Variants in PKIB observed in about 807,000 individuals in gnomAD.
PKIB encodes PKI-beta.
A neutral mutation model predicts 4.5 loss-of-function variants in PKIB; 2 were observed. The ratio of observed to expected loss-of-function variants is 0.44; its 90% confidence interval spans 0.18 to 1.39. The LOEUF is 1.39. PKIB is among the 40% of genes most tolerant of loss of function. The probability of loss-of-function intolerance (pLI) is 0.27; values close to 1 mark genes in which losing one functional copy is unlikely to be tolerated. For synonymous variants in PKIB, 38 were observed against 36.0 expected (o/e 1.06, Z -0.20); for missense variants, 94 against 92.6 (o/e 1.02, Z -0.06).
chr6:122,580,741 A>C (rs912135463), intron 2 of PKIB, among the ~76,000 whole-genome samples: 1 of 152,052 alleles, frequency 6.6e-6, no homozygotes, highest in African/African-American at 2.4e-5. Context: ...CCTTCCCCCC[A>C]CCAACTTTTA....
intron 2 of PKIB, among the ~76,000 whole-genome samples, chr6:122,503,778 C>A (rs1384544513): frequency 6.6e-6 from 1 of 152,104 alleles, no homozygotes; most frequent in Admixed American, 6.5e-5. Flanking sequence ...TTTTTAACAC[C>A]TCACCCCCCA....
intron 2 of PKIB, chr6:122,493,609 A>G (rs1775996773): frequency 6.6e-6 from 1 of 152,212 alleles, no homozygotes; most frequent in South Asian, 2.1e-4. Flanking sequence ...TAACTTTGAT[A>G]TAGGTAGTGC....
intron 2 of PKIB, among the ~76,000 whole-genome samples, chr6:122,560,855 A>T (rs1772990976): frequency 6.6e-6 from 1 of 151,864 alleles, no homozygotes; most frequent in South Asian, 2.1e-4. Flanking sequence ...GCCTTCAATA[A>T]TCTTTTGTAT....
intron 2 of PKIB, chr6:122,479,427 A>G (rs1775541440): frequency 1.3e-5 from 2 of 152,228 alleles, no homozygotes; most frequent in Admixed American, 1.3e-4. Context: ...AACAACATGT[A>G]GTATTATGAC....
chr6:122,665,965 G>A (rs1176064142), intron 2 of PKIB, among the ~76,000 whole-genome samples: 3 of 152,162 alleles, frequency 2.0e-5, no homozygotes, highest in Non-Finnish European at 4.4e-5. Context: ...ATTACACTAA[G>A]TACTTTTCGG....
At chr6:122,722,464 A>T (rs1309166590) in intron 4 of PKIB, among the ~76,000 whole-genome samples, 1 of 152,198 alleles carries the variant, frequency 6.6e-6, no homozygotes, top group Non-Finnish European at 1.5e-5. Flanking sequence ...AGGGGACTTC[A>T]TATCATCTTC....
At chr6:122,611,356 G>A (rs1774748056) in intron 1 of PKIB, among the ~76,000 whole-genome samples, 1 of 152,274 alleles carries the variant, frequency 6.6e-6, no homozygotes, top group African/African-American at 2.4e-5. Flanking sequence ...CGGAACTCGG[G>A]TCCTTTAGAA....
chr6:122,550,679 G>T (rs989394807), intron 2 of PKIB, among the ~76,000 whole-genome samples: 6 of 152,078 alleles, frequency 3.9e-5, no homozygotes, highest in African/African-American at 1.2e-4. Context: ...CTTTAGAAAT[G>T]CTTCAAAGCA....
chr6:122,537,660 G>A (rs1777448747), intron 2 of PKIB, among the ~76,000 whole-genome samples: 1 of 152,144 alleles, frequency 6.6e-6, no homozygotes, highest in Non-Finnish European at 1.5e-5. Context: ...TGTCTTTATA[G>A]CAGCATGATT....
chr6:122,600,356 C>T (rs762826664), intron 3 of PKIB, among the ~76,000 whole-genome samples: 1 of 152,158 alleles, frequency 6.6e-6, no homozygotes, highest in Non-Finnish European at 1.5e-5. Context: ...TTTGGCAACA[C>T]CCTCACAGAC....
At chr6:122,606,579 A>AAAAAAAAAG (rs1226070273), upstream of PKIB, among the ~76,000 whole-genome samples, 72 of 151,548 alleles carry the variant, frequency 4.8e-4, no homozygotes, top group African/African-American at 1.6e-3. Flanking sequence ...CTCAAAAAAG[A>AAAAAAAAAG]AAAAAAAAGC....
intron 2 of PKIB, among the ~76,000 whole-genome samples, chr6:122,642,125 CT>C (rs1331349923): frequency 6.6e-6 from 1 of 152,164 alleles, no homozygotes; most frequent in East Asian, 1.9e-4. Context: ...ATTTTTTTTA[CT>C]TTGTTTCCAT....
chr6:122,702,310 T>C (rs1229509573), intron 3 of PKIB, among the ~76,000 whole-genome samples: 1 of 145,762 alleles, frequency 6.9e-6, no homozygotes, highest in Non-Finnish European at 1.5e-5. Context: ...AGGTCTCAGG[T>C]AATTTTTTAA....
intron 2 of PKIB, among the ~76,000 whole-genome samples, chr6:122,512,062 A>G (rs1478884248): frequency 6.6e-6 from 1 of 152,192 alleles, no homozygotes; most frequent in Non-Finnish European, 1.5e-5. Context: ...GGGCAAGTTT[A>G]TACAGGCACC....
chr6:122,658,451 A>G (rs1249451161), intron 2 of PKIB, among the ~76,000 whole-genome samples: 1 of 152,194 alleles, frequency 6.6e-6, no homozygotes, highest in East Asian at 1.9e-4. Flanking sequence ...TTATAATTTA[A>G]ATACTGTCCC....
intron 3 of PKIB, among the ~76,000 whole-genome samples, chr6:122,594,822 C>A (rs1214938777): frequency 6.6e-6 from 1 of 152,134 alleles, no homozygotes; most frequent in African/African-American, 2.4e-5. Flanking sequence ...TACTGAGTCA[C>A]CCTAATGGAT....
chr6:122,575,048 CAAT>C (rs911897238), intron 2 of PKIB, among the ~76,000 whole-genome samples: 1 of 151,682 alleles, frequency 6.6e-6, no homozygotes, highest in Non-Finnish European at 1.5e-5. Context: ...AACAAATCAG[CAAT>C]AATAATAATA....
At chr6:122,593,845 T>TCTGC (rs1239128732) in intron 3 of PKIB, among the ~76,000 whole-genome samples, 4 of 152,150 alleles carry the variant, frequency 2.6e-5, no homozygotes, top group Non-Finnish European at 4.4e-5. Context: ...TAAGGATGGA[T>TCTGC]CTGCCTTCCC....
chr6:122,600,257 T>G (rs142034847), intron 3 of PKIB, among the ~76,000 whole-genome samples: 2 of 152,196 alleles, frequency 1.3e-5, no homozygotes, highest in East Asian at 3.9e-4. Context: ...TCTGCCTGCT[T>G]TATATTTGCT....
Sources: gnomAD v4.1 joint callset for allele counts (sites outside exome capture counted in the v4.1 genomes callset) on GRCh38, gnomAD v4.1.1 for gene constraint, MANE v1.5 for transcripts, NCBI Gene and HGNC (gene_info 2026-07-23, HGNC 2026-07-21) for gene names.